Variants in GRM7 observed in about 807,000 individuals in gnomAD.
The protein encoded by GRM7 is metabotropic glutamate receptor 7.
In GRM7, 35 loss-of-function variants were observed where a neutral mutation model predicts 84.5. That is an observed-to-expected ratio of 0.41 (90% CI 0.32 to 0.55). The LOEUF is 0.55. GRM7 is among the 20% of genes least tolerant of loss of function. The pLI is 0.19. For missense variants in GRM7, 1,003 were observed against 1,194.6 expected, an observed-to-expected ratio of 0.84 and a Z score of 2.36; for synonymous variants, 487 against 455.1, an observed-to-expected ratio of 1.07 and a Z score of -0.89.
intron 1 of GRM7, among the ~76,000 whole-genome samples, chr3:6,916,762 G>A (rs934796619): frequency 1.2e-4 from 18 of 152,086 alleles, no homozygotes; most frequent in Non-Finnish European, 2.2e-4. Flanking sequence ...GGAGACACAA[G>A]CATTCAGATC....
At position 7,263,229 on chromosome 3, in the gene GRM7, C is replaced by T. The variant is rs541626273; in HGVS notation, c.737-35455C>T. 2.0e-5 allele frequency among the ~76,000 whole-genome samples: 3 copies of T among 152,272 alleles called. No individual in the cohort carries two copies. In the East Asian group the frequency reaches 5.8e-4, roughly 29 times the overall value. On this transcript the variant is annotated intron_variant, in intron 2 of 9. Coordinates refer to ENST00000357716, the MANE Select transcript of GRM7 (RefSeq NM_000844.4). Reference sequence around the variant, plus strand: ...AGAACTCCTGGACTGCCTGTTCTTACTCTGGGGGACTGGTATTGGGCCCTG... The same window carrying T: ...AGAACTCCTGGACTGCCTGTTCTTATTCTGGGGGACTGGTATTGGGCCCTG...
intron 4 of GRM7, among the ~76,000 whole-genome samples, chr3:7,312,054 C>A (rs1356231438): frequency 6.6e-6 from 1 of 152,102 alleles, no homozygotes; most frequent in Non-Finnish European, 1.5e-5. Context: ...TTTCAAGGAG[C>A]TTGTTTATGA....
In GRM7 at chr3:6,945,605, A is replaced by G. The variant is rs561323452; in HGVS notation, c.519+83698A>G. ...TAATGGGATGGCTGGGTCAAATGGT[A>G]TTTCTAGTTCTAGATCCCTGAGGAA... On this transcript the variant is annotated intron_variant, in intron 1 of 9. Coordinates refer to ENST00000357716, the MANE Select transcript of GRM7 (RefSeq NM_000844.4). Among the ~76,000 whole-genome samples, 23 of 152,150 alleles carry G rather than the reference A, an allele frequency of 1.5e-4. No individual in the cohort carries two copies. In the South Asian group the frequency reaches 4.8e-3, roughly 32 times the overall value.
chr3:7,028,980 T>C (rs1696082075), intron 1 of GRM7, among the ~76,000 whole-genome samples: 1 of 152,266 alleles, frequency 6.6e-6, no homozygotes, highest in East Asian at 1.9e-4. Flanking sequence ...AAACAGTATG[T>C]TGGTTCCTAT....
intron 7 of GRM7, among the ~76,000 whole-genome samples, chr3:7,468,202 C>T (rs1326539215): frequency 6.6e-6 from 1 of 152,156 alleles, no homozygotes; most frequent in Non-Finnish European, 1.5e-5. Context: ...TAGCAGCAAT[C>T]AAGGCAATGT....
chr3:6,978,236 T>C (rs1694072159), intron 1 of GRM7, among the ~76,000 whole-genome samples: 1 of 143,182 alleles, frequency 7.0e-6, no homozygotes, highest in African/African-American at 2.6e-5. Context: ...CAAGATGGTG[T>C]AGTTATGCAG....
Position 7,704,153 on chromosome 3 carries a change from A to C in GRM7, c.2698+23858A>C, listed in dbSNP as rs149044447. ...AGAGGATTTAGGGAAATGTATGTAA[A>C]GCTTGCTGAAAAAAATCACTTGTTA... On this transcript the variant is annotated intron_variant, in intron 9 of 9. Transcript: ENST00000357716. Among the ~76,000 whole-genome samples the C allele has an allele frequency of 7.1e-3, 1,086 of 152,322 alleles. 14 individuals are homozygous for C. Among genetic ancestry groups the C allele is most frequent in the African/African-American group, 0.025 (1,033 of 41,576 alleles).
At chr3:7,591,794 T>G (rs1160323294) in intron 8 of GRM7, among the ~76,000 whole-genome samples, 1 of 152,158 alleles carries the variant, frequency 6.6e-6, no homozygotes, top group African/African-American at 2.4e-5. Context: ...AAATAGGGAC[T>G]GATATCATCC....
intron 8 of GRM7, among the ~76,000 whole-genome samples, chr3:7,600,570 C>T (rs11929168): frequency 0.097 from 14,788 of 152,086 alleles, 850 homozygotes; most frequent in African/African-American, 0.16. Flanking sequence ...TTAAGTTCTG[C>T]CTGTCTACCT....
chr3:7,597,248 T>C (rs183157234), intron 8 of GRM7, among the ~76,000 whole-genome samples: 46 of 152,040 alleles, frequency 3.0e-4, no homozygotes, highest in African/African-American at 1.1e-3. Context: ...GGAGGTGCCA[T>C]GCACTTTTAA....
chr3:7,078,468 T>C (rs942404219), intron 1 of GRM7, among the ~76,000 whole-genome samples: 6 of 152,170 alleles, frequency 3.9e-5, no homozygotes, highest in African/African-American at 1.4e-4. Context: ...TGTGGTTAAT[T>C]GAGATGCTGC....
chr3:7,233,637 T>A (rs777975249), intron 2 of GRM7, among the ~76,000 whole-genome samples: 3 of 152,172 alleles, frequency 2.0e-5, no homozygotes, highest in Non-Finnish European at 4.4e-5. Context: ...TAGTCATTTA[T>A]TCAATACCTG....
intron 8 of GRM7, among the ~76,000 whole-genome samples, chr3:7,604,313 C>G (rs1696459749): frequency 1.3e-5 from 2 of 152,150 alleles, no homozygotes; most frequent in African/African-American, 2.4e-5. Flanking sequence ...CATTCATTTA[C>G]TATAGAGGAT....
chr3:7,048,709 A>G (rs1696885846), intron 1 of GRM7, among the ~76,000 whole-genome samples: 1 of 151,988 alleles, frequency 6.6e-6, no homozygotes, highest in Non-Finnish European at 1.5e-5. Flanking sequence ...CATATGCATT[A>G]CCTGACATAC....
chr3:7,122,924 G>T (rs1207841430), intron 1 of GRM7, among the ~76,000 whole-genome samples: 1 of 100,046 alleles, frequency 1.0e-5, no homozygotes, highest in African/African-American at 8.3e-5. Context: ...GAATATCAGG[G>T]TGGGAACAAC....
At chr3:7,135,140 C>T (rs890321048) in intron 1 of GRM7, among the ~76,000 whole-genome samples, 1 of 152,124 alleles carries the variant, frequency 6.6e-6, no homozygotes, top group Admixed American at 6.6e-5. Context: ...TTAGTTATCT[C>T]TCAGTAGTTT....
intron 8 of GRM7, among the ~76,000 whole-genome samples, chr3:7,668,956 T>C (rs1699814858): frequency 6.6e-6 from 1 of 152,272 alleles, no homozygotes; most frequent in Non-Finnish European, 1.5e-5. Flanking sequence ...TCTGGTTCTC[T>C]ACCTATTATA....
intron 1 of GRM7, among the ~76,000 whole-genome samples, chr3:6,867,207 A>T (rs1694965305): frequency 6.6e-6 from 1 of 152,234 alleles, no homozygotes; most frequent in South Asian, 2.1e-4. Context: ...TAGCAAAAGC[A>T]GCTGATTTTC....
intron 9 of GRM7, among the ~76,000 whole-genome samples, chr3:7,734,215 T>C (rs528744807): frequency 1.7e-5 from 2 of 119,018 alleles, no homozygotes; most frequent in East Asian, 2.9e-4. Context: ...TATTCACCAT[T>C]AGGAAGGGGT....
Sources: allele counts gnomAD v4.1 joint callset (sites outside exome capture counted in the v4.1 genomes callset), GRCh38; gene constraint gnomAD v4.1.1; transcripts MANE v1.5; gene names NCBI Gene and HGNC (gene_info 2026-07-23, HGNC 2026-07-21).